Variants in GGACT observed in about 807,000 individuals in gnomAD.
The protein encoded by GGACT is gamma-glutamylaminecyclotransferase.
For synonymous variants in GGACT, 118 were observed against 115.3 expected, an observed-to-expected ratio of 1.02 and a Z score of -0.15; for missense variants, 241 against 233.2, an observed-to-expected ratio of 1.03 and a Z score of -0.22.
At chr13:100,574,784 G>A (rs1269077403) in intron 2 of GGACT, among the ~76,000 whole-genome samples, 5 of 151,846 alleles carry the variant, frequency 3.3e-5, no homozygotes, top group Non-Finnish European at 7.4e-5. Flanking sequence ...GGTACCTCCT[G>A]TATCTAAAAT....
intron 2 of GGACT, among the ~76,000 whole-genome samples, chr13:100,569,954 C>T (rs1242561231): frequency 1.3e-5 from 2 of 152,216 alleles, no homozygotes; most frequent in African/African-American, 4.8e-5. Context: ...CCATCTGAGA[C>T]CACCTCAGCC....
intron 2 of GGACT, chr13:100,539,752 A>G: frequency 1.6e-6 from 1 of 625,568 alleles, no homozygotes; most frequent in South Asian, 2.0e-5. Flanking sequence ...GAGTTTCAGG[A>G]GGACTGGTGT....
intron 2 of GGACT, among the ~76,000 whole-genome samples, chr13:100,570,284 A>T (rs1875041400): frequency 6.6e-6 from 1 of 152,166 alleles, no homozygotes; most frequent in Non-Finnish European, 1.5e-5. Context: ...GTAATTTATA[A>T]AAGGAAGAGG....
chr13:100,562,023 A>G (rs548948853), intron 2 of GGACT, among the ~76,000 whole-genome samples: 1 of 152,306 alleles, frequency 6.6e-6, no homozygotes, highest in Admixed American at 6.5e-5. Context: ...AGTGGGTTCG[A>G]AAGGACCAGA....
At chr13:100,563,508 G>A (rs2088783804) in intron 2 of GGACT, among the ~76,000 whole-genome samples, 1 of 152,122 alleles carries the variant, frequency 6.6e-6, no homozygotes, top group South Asian at 2.1e-4. Context: ...TAAATTAAAA[G>A]TAAATAAATC....
chr13:100,544,267 G>GA (rs1364733023), intron 2 of GGACT, among the ~76,000 whole-genome samples: 1 of 152,200 alleles, frequency 6.6e-6, no homozygotes, highest in African/African-American at 2.4e-5. Context: ...GGAAACAGGT[G>GA]AAAAAACAAA....
intron 2 of GGACT, among the ~76,000 whole-genome samples, chr13:100,562,861 C>A (rs1191049545): frequency 6.6e-6 from 1 of 151,904 alleles, no homozygotes; most frequent in East Asian, 1.9e-4. Flanking sequence ...TGGGTGGTTT[C>A]TTGACTCCAG....
Position 100,583,982 on chromosome 13 carries a change from T to C in GGACT, c.-168A>G, listed in dbSNP as rs1875491966. On this transcript the variant is annotated 5_prime_UTR_variant, in exon 2 of 3. The change creates a new upstream start codon in the 5' untranslated region. Transcript: ENST00000683975. ...GACCAGAAAGTCCATGGGGACCAAA[T>C]ATCCAGTTTTCAGTCCTGTTGGGAG... 1.3e-5 allele frequency: 2 copies of C among 152,148 alleles called. No individual in the cohort carries two copies. Among genetic ancestry groups the C allele is most frequent in the Admixed American group, 1.3e-4 (2 of 15,284 alleles). 9.4% of individuals were successfully genotyped at this position (152,148 alleles called of 1,614,324 possible).
intron 2 of GGACT, among the ~76,000 whole-genome samples, chr13:100,557,806 T>C (rs979508130): frequency 3.3e-5 from 5 of 152,066 alleles, no homozygotes; most frequent in Non-Finnish European, 5.9e-5. Flanking sequence ...ATCTACAAAA[T>C]AGCTATCTGA....
chr13:100,574,561 G>A (rs1875194081), intron 2 of GGACT, among the ~76,000 whole-genome samples: 2 of 152,148 alleles, frequency 1.3e-5, no homozygotes, highest in Non-Finnish European at 2.9e-5. Context: ...GGGCAACAGA[G>A]CGAGACCCCA....
At chr13:100,557,236 G>A (rs1464719747) in intron 2 of GGACT, among the ~76,000 whole-genome samples, 1 of 152,172 alleles carries the variant, frequency 6.6e-6, no homozygotes, top group Admixed American at 6.5e-5. Flanking sequence ...CAATAAACAA[G>A]ACAGTGTGGA....
Position 100,532,331 on chromosome 13 carries a change from C to T in GGACT, c.261G>A (p.Leu87=). The T allele has an allele frequency of 6.4e-7, 1 of 1,550,390 alleles. No homozygotes were observed. The highest frequency in any genetic ancestry group is 1.4e-5 in the African/African-American group (1 of 73,152). Residue 87 remains leucine (L), a synonymous_variant, in exon 3 of 3, where the codon CTG becomes CTA. Coordinates refer to ENST00000683975, the MANE Select transcript of GGACT (RefSeq NM_001195087.2). ...FLDDFESCPA[L]YQRTVLRVQL... ...GTACCCGCAGCACCGTGCGCTGGTACAGGGCCGGGCAACTCTCGAAGTCAT... is the reference window on the plus strand; with the variant it reads ...GTACCCGCAGCACCGTGCGCTGGTATAGGGCCGGGCAACTCTCGAAGTCAT...
At chr13:100,552,434 G>A (rs1377292712) in intron 2 of GGACT, among the ~76,000 whole-genome samples, 3 of 152,152 alleles carry the variant, frequency 2.0e-5, no homozygotes, top group African/African-American at 4.8e-5. Context: ...AGAAACAGAC[G>A]GGGAAGTTCT....
At chr13:100,542,231 G>A (rs565328556) in intron 2 of GGACT, among the ~76,000 whole-genome samples, 3 of 152,312 alleles carry the variant, frequency 2.0e-5, no homozygotes, top group South Asian at 2.1e-4. Flanking sequence ...GAGCAACCCC[G>A]GGTGCACAGG....
intron 2 of GGACT, among the ~76,000 whole-genome samples, chr13:100,551,840 C>T (rs1279586137): frequency 1.3e-5 from 2 of 152,220 alleles, no homozygotes; most frequent in African/African-American, 4.8e-5. Flanking sequence ...CTTCCCTTTG[C>T]CCCCATCTAA....
At chr13:100,570,048 C>CT (rs1354627100) in intron 2 of GGACT, among the ~76,000 whole-genome samples, 1 of 152,202 alleles carries the variant, frequency 6.6e-6, no homozygotes, top group Non-Finnish European at 1.5e-5. Context: ...TTTCCCACAC[C>CT]TTCCTGTCTT....
intron 2 of GGACT, among the ~76,000 whole-genome samples, chr13:100,566,165 A>G (rs570599808): frequency 1.8e-4 from 28 of 152,336 alleles, no homozygotes; most frequent in African/African-American, 6.5e-4. Context: ...GACAGACCCA[A>G]GTCAGAATCA....
In GGACT at chr13:100,531,980, T is replaced by C. The variant is rs2088396148; in HGVS notation, c.*150A>G. ...CTTGCTATTCGTATCTCAACATTAT[T>C]TGTAAAATCAGCTGCCACTGAAAGA... On this transcript the variant is annotated 3_prime_UTR_variant, in exon 3 of 3. Coordinates refer to ENST00000683975, the MANE Select transcript of GGACT (RefSeq NM_001195087.2). The C allele has an allele frequency of 2.0e-6, 1 of 492,800 alleles. No individual in the cohort carries two copies. Among genetic ancestry groups the C allele is most frequent in the Admixed American group, 3.8e-5 (1 of 26,096 alleles). The allele number at this position is 492,800 out of a possible 1,614,324, so 30.5% of individuals were successfully genotyped here.
At chr13:100,588,104 G>C (rs952688724) in intron 1 of GGACT, among the ~76,000 whole-genome samples, 2 of 152,204 alleles carry the variant, frequency 1.3e-5, no homozygotes, top group Middle Eastern at 3.2e-3. Context: ...GAGTTAAGAA[G>C]CTGTGTTCAA....
Sources: allele counts gnomAD v4.1 joint callset (sites outside exome capture counted in the v4.1 genomes callset), GRCh38; gene constraint gnomAD v4.1.1; transcripts MANE v1.5; gene names NCBI Gene and HGNC (gene_info 2026-07-23, HGNC 2026-07-21).